ANKRD24: variants seen among roughly 807,000 people sequenced by gnomAD.
ANKRD24 encodes ankyrin repeat domain-containing protein 24.
A neutral mutation model predicts 127.8 loss-of-function variants in ANKRD24; 109 were observed. The observed-to-expected ratio is 0.85, with a 90% CI of 0.73 to 1.00. The LOEUF is 1.00. Ranked by LOEUF, ANKRD24 falls within the 50% of genes least tolerant of loss-of-function variation. ANKRD24 has a pLI of 0.00. For missense variants in ANKRD24, 1,648 were observed against 1,570.2 expected (o/e 1.05, Z -0.84); for synonymous variants, 743 against 671.1 (o/e 1.11, Z -1.66).
rs538696508 is a variant in ANKRD24, at chr19:4,218,830, C to T, written c.3003+667C>T. Among the ~76,000 whole-genome samples the T allele has an allele frequency of 2.6e-3, 388 of 146,928 alleles. 3 individuals carry two copies. The highest frequency in any genetic ancestry group is 2.5e-3 in the Non-Finnish European group (168 of 66,806). Reference sequence around the variant, plus strand: ...TCACCCAGGCTGGAGTGCAGTGGCACAATCATAGCTCACTGCAACCTCCAC... The same window carrying T: ...TCACCCAGGCTGGAGTGCAGTGGCATAATCATAGCTCACTGCAACCTCCAC... On this transcript the variant is annotated intron_variant, in intron 18 of 21. Transcript: ENST00000318934.
At position 4,216,666 on chromosome 19, in the gene ANKRD24, G is replaced by A. The variant is rs1409920809; in HGVS notation, c.1506G>A (p.Gln502=). ...LRAEFDQLRR[Q]HAEALQALRQ... is the part of the protein sequence containing the mutation. ...CCGAGTTTGACCAGCTACGCAGGCA[G>A]CACGCTGAGGCCCTGCAGGCCCTGA... Residue 502 remains glutamine (Q), a synonymous_variant, in exon 18 of 22, where the codon CAG becomes CAA. Coordinates refer to ENST00000318934, the MANE Select transcript of ANKRD24 (RefSeq NM_001393985.1). 1.3e-6 allele frequency: 2 copies of A among 1,597,074 alleles called. No individual in the cohort carries two copies. The highest frequency in any genetic ancestry group is 1.7e-6 in the Non-Finnish European group (2 of 1,172,088).
intron 20 of ANKRD24, among the ~76,000 whole-genome samples, chr19:4,223,372 CAT>C (rs59994305): frequency 0.012 from 910 of 72,846 alleles, 64 homozygotes; most frequent in African/African-American, 0.037. Context: ...CCTGGCCATA[CAT>C]ATATATATAT....
Position 4,187,048 on chromosome 19 carries a change from T to TCCTC in ANKRD24, c.36+587_36+588insCCTC, listed in dbSNP as rs546908458. Among the ~76,000 whole-genome samples, 87 of 151,234 alleles carry TCCTC rather than the reference T, an allele frequency of 5.8e-4. No individual in the cohort carries two copies. The South Asian group carries it at 0.01, about 18-fold the overall frequency. ...ATTGAAGCATTCAGGGCAGGGGAGG[T>TCCTC]GGCTGCAGTTTTAAAGAGGGTGGCC... On this transcript the variant is annotated intron_variant, in intron 2 of 21. Transcript: ENST00000318934.
chr19:4,196,975 G>A (rs569160337), intron 2 of ANKRD24, among the ~76,000 whole-genome samples: 53 of 152,268 alleles, frequency 3.5e-4, no homozygotes, highest in African/African-American at 1.2e-3. Context: ...GAGCTGCGCC[G>A]GGACCAGCTA....
chr19:4,223,320 C>T (rs1471104679), intron 20 of ANKRD24, among the ~76,000 whole-genome samples: 2 of 149,380 alleles, frequency 1.3e-5, no homozygotes, highest in African/African-American at 5.0e-5. Context: ...CAGCCTCAAA[C>T]TCCTGGCCTC....
intron 7 of ANKRD24, among the ~76,000 whole-genome samples, chr19:4,204,425 G>A (rs556110369): frequency 1.3e-5 from 2 of 152,248 alleles, no homozygotes; most frequent in African/African-American, 4.8e-5. Flanking sequence ...GGGAATCCAG[G>A]TCGTCTGACC....
In ANKRD24 at chr19:4,216,688, CT is replaced by C; in HGVS notation, c.1529del (p.Leu510ArgfsTer37). ...RRQHAEALQA[L>X]RQQETREVPR... ...GCAGCACGCTGAGGCCCTGCAGGCC[CT>C]GAGGCAGCAGGAGACACGAGAGGTC... is the stretch of plus-strand genomic sequence containing the variant. On this transcript the variant is annotated frameshift_variant, in exon 18 of 22. Transcript: ENST00000318934. LOFTEE classifies it high-confidence loss of function. 1 of 1,588,088 alleles carries C rather than the reference CT, an allele frequency of 6.3e-7. No individual in the cohort carries two copies.
chr19:4,216,349 GA>G lies in ANKRD24; in HGVS notation c.1338del (p.Glu446AspfsTer13). The G allele has an allele frequency of 6.4e-7, 1 of 1,573,590 alleles. No individual in the cohort carries two copies. Among genetic ancestry groups the G allele is most frequent in the Non-Finnish European group, 8.6e-7 (1 of 1,159,754 alleles). On this transcript the variant is annotated frameshift_variant, in exon 17 of 22. Transcript: ENST00000318934. LOFTEE classifies it high-confidence loss of function. ...SAQEHLASLQ[E>X]QVAVLTRQNQ... is the part of the protein sequence containing the mutation. ...CCAGGAACACCTGGCCTCGCTGCAG[GA>G]ACAGGTGGCTGTGCTCACCAGACAG...
At chr19:4,206,432 G>A (rs1032478572) in intron 7 of ANKRD24, among the ~76,000 whole-genome samples, 2 of 151,178 alleles carry the variant, frequency 1.3e-5, no homozygotes, top group Non-Finnish European at 2.9e-5. Context: ...CCTGGGCAAC[G>A]TAGCAAGACC....
chr19:4,204,140 A>T (rs1969256442), intron 7 of ANKRD24, among the ~76,000 whole-genome samples: 1 of 144,324 alleles, frequency 6.9e-6, no homozygotes, highest in African/African-American at 2.6e-5. Context: ...ATTTTTTTGT[A>T]TTTTTTAGTA....
intron 2 of ANKRD24, among the ~76,000 whole-genome samples, chr19:4,191,857 C>T (rs1163803571): frequency 6.6e-6 from 1 of 152,076 alleles, no homozygotes; most frequent in Non-Finnish European, 1.5e-5. Flanking sequence ...TCTTGGCTCA[C>T]TGCAACCTCC....
chr19:4,222,646 C>T (rs1197355026), intron 19 of ANKRD24, 24 bp from the exon 20 acceptor site: 12 of 1,582,332 alleles, frequency 7.6e-6, no homozygotes, highest in East Asian at 4.6e-5. Flanking sequence ...TTAGGGTGAT[C>T]GCTGACAGCA....
At chr19:4,193,098 C>T (rs192619736) in intron 2 of ANKRD24, among the ~76,000 whole-genome samples, 4 of 150,484 alleles carry the variant, frequency 2.7e-5, no homozygotes, top group Admixed American at 2.0e-4. Context: ...GTCAGGAATT[C>T]GAGACCAGCC....
At chr19:4,189,991 A>G (rs760789380) in intron 2 of ANKRD24, among the ~76,000 whole-genome samples, 1 of 152,146 alleles carries the variant, frequency 6.6e-6, no homozygotes, top group Non-Finnish European at 1.5e-5. Context: ...AAAGAGGTGA[A>G]AAACGGTCCA....
chr19:4,220,417 A>G (rs1415613696), intron 19 of ANKRD24, among the ~76,000 whole-genome samples: 1 of 152,218 alleles, frequency 6.6e-6, no homozygotes, highest in Non-Finnish European at 1.5e-5. Context: ...TCACTTGCCT[A>G]AGGTCACACA....
chr19:4,184,041 C>T (rs751018458), intron 1 of ANKRD24, among the ~76,000 whole-genome samples: 3 of 152,220 alleles, frequency 2.0e-5, no homozygotes, highest in Non-Finnish European at 4.4e-5. Context: ...AAGAGCATGG[C>T]TCCTTCCAGA....
Position 4,217,528 on chromosome 19 carries a change from G to T in ANKRD24, c.2368G>T (p.Ala790Ser). 2 of 1,356,798 alleles carry T rather than the reference G, an allele frequency of 1.5e-6. No homozygotes were observed. Among genetic ancestry groups the T allele is most frequent in the South Asian group, 1.7e-5 (1 of 57,676 alleles). The allele number at this position is 1,356,798 out of a possible 1,614,324, so 84.0% of individuals were successfully genotyped here. ...GGGDTTQLRA[A>S]LEQAREDLRD... Reference sequence around the variant, plus strand: ...CGGTGACACCACACAGCTGCGGGCGGCCCTGGAGCAGGCCCGGGAGGACCT... The same window carrying T: ...CGGTGACACCACACAGCTGCGGGCGTCCCTGGAGCAGGCCCGGGAGGACCT... Residue 790 changes from alanine (A) to serine (S), a missense_variant, in exon 18 of 22, where the codon GCC (alanine) becomes TCC (serine). Coordinates refer to ENST00000318934, the MANE Select transcript of ANKRD24 (RefSeq NM_001393985.1).
chr19:4,207,453 C>A (rs1374197397), intron 8 of ANKRD24, 48 bp from the exon 9 acceptor site: 2 of 1,594,920 alleles, frequency 1.3e-6, no homozygotes, highest in East Asian at 2.2e-5. Context: ...TCTGCACCTC[C>A]CGGGGGTCAG....
rs1969623006 is a variant in ANKRD24 at position 4,210,069 on chromosome 19, C to T, written c.882C>T (p.Ser294=). ...CCCTCCCTTCCCAGAACTCTATGTCCAGCCATGGAAAGCAGGGGGCCCCCA... is the reference window on the plus strand; with the variant it reads ...CCCTCCCTTCCCAGAACTCTATGTCTAGCCATGGAAAGCAGGGGGCCCCCA... The part of the protein sequence containing the change: ...SGEASSQNSM[S]SHGKQGAPKK... Residue 294 remains serine (S), a synonymous_variant, in exon 12 of 22, where the codon TCC becomes TCT. Transcript: ENST00000318934. 1.9e-6 allele frequency: 3 copies of T among 1,611,590 alleles called. No individual in the cohort carries two copies. Among genetic ancestry groups the T allele is most frequent in the Admixed American group, 3.3e-5 (2 of 59,732 alleles).
Sources: allele counts gnomAD v4.1 joint callset (sites outside exome capture counted in the v4.1 genomes callset), GRCh38; gene constraint gnomAD v4.1.1; transcripts MANE v1.5; gene names NCBI Gene and HGNC (gene_info 2026-07-23, HGNC 2026-07-21).